Variants in SIPA1L3 observed in about 807,000 individuals in gnomAD.
The protein encoded by SIPA1L3 is signal induced proliferation associated 1 like 3, also known as signal-induced proliferation-associated 1-like protein 3.
In SIPA1L3, 59 loss-of-function variants were observed where a neutral mutation model predicts 150.1. That is an observed-to-expected ratio of 0.39 (90% CI 0.32 to 0.49). The LOEUF is 0.49. SIPA1L3 is among the 20% of genes least tolerant of loss of function. The pLI, the probability that SIPA1L3 is intolerant of heterozygous loss-of-function variation, is 0.86. For missense variants in SIPA1L3, 2,211 were observed against 2,489.5 expected (o/e 0.89, Z 2.38); for synonymous variants, 1,070 against 1,077.6 (o/e 0.99, Z 0.14).
intron 1 of SIPA1L3, among the ~76,000 whole-genome samples, chr19:37,985,213 T>G (rs1180145221): frequency 6.6e-6 from 1 of 151,248 alleles, no homozygotes; most frequent in African/African-American, 2.4e-5. Context: ...TTTTTTTTTT[T>G]GAGTGTGGGT....
intron 12 of SIPA1L3, among the ~76,000 whole-genome samples, chr19:38,147,236 T>C (rs1971720236): frequency 6.6e-6 from 1 of 151,960 alleles, no homozygotes; most frequent in Non-Finnish European, 1.5e-5. Flanking sequence ...AATTTTTGTA[T>C]TTTTAGTAGA....
chr19:37,952,178 T>C (rs752264916), intron 1 of SIPA1L3, among the ~76,000 whole-genome samples: 7 of 152,180 alleles, frequency 4.6e-5, no homozygotes, highest in African/African-American at 1.7e-4. Context: ...CCATCTTTGC[T>C]CAGAGGGTCG....
intron 2 of SIPA1L3, among the ~76,000 whole-genome samples, chr19:38,060,262 A>T (rs1379768543): frequency 6.6e-6 from 1 of 152,206 alleles, no homozygotes; most frequent in Non-Finnish European, 1.5e-5. Flanking sequence ...ACTTAGTATC[A>T]TGTCCGAGAG....
At chr19:38,019,693 A>G (rs1418307725) in intron 1 of SIPA1L3, among the ~76,000 whole-genome samples, 1 of 152,174 alleles carries the variant, frequency 6.6e-6, no homozygotes, top group Non-Finnish European at 1.5e-5. Flanking sequence ...GAATCAGAGC[A>G]CGGACTTTCT....
chr19:37,925,356 T>C (rs977413916), intron 1 of SIPA1L3, among the ~76,000 whole-genome samples: 1 of 151,916 alleles, frequency 6.6e-6, no homozygotes, highest in African/African-American at 2.4e-5. Context: ...ATGGCCTCCT[T>C]GGGAAAGTGG....
chr19:37,945,881 G>C (rs547772517), intron 1 of SIPA1L3, among the ~76,000 whole-genome samples: 1 of 152,114 alleles, frequency 6.6e-6, no homozygotes, highest in Non-Finnish European at 1.5e-5. Flanking sequence ...GTGGCTGGGC[G>C]TGGTGGCTCA....
intron 2 of SIPA1L3, among the ~76,000 whole-genome samples, chr19:38,064,544 A>G (rs980021557): frequency 9.9e-5 from 15 of 152,172 alleles, no homozygotes; most frequent in African/African-American, 3.6e-4. Context: ...TAAAAATACA[A>G]AAATTAGCCG....
intron 18 of SIPA1L3, among the ~76,000 whole-genome samples, chr19:38,198,057 C>A (rs1973003012): frequency 6.6e-6 from 1 of 152,216 alleles, no homozygotes; most frequent in South Asian, 2.1e-4. Context: ...GGGGCCGCCT[C>A]TGTGTTCCTT....
intron 8 of SIPA1L3, 59 bp from the exon 9 acceptor site, chr19:38,119,245 TTC>T: frequency 6.9e-7 from 1 of 1,441,234 alleles, no homozygotes; most frequent in Non-Finnish European, 9.5e-7. Context: ...ATCGAATATT[TTC>T]TCTCTGAAGT....
chr19:37,990,667 T>A (rs1967481541), intron 1 of SIPA1L3, among the ~76,000 whole-genome samples: 1 of 152,212 alleles, frequency 6.6e-6, no homozygotes, highest in South Asian at 2.1e-4. Context: ...GGTTCTTTGC[T>A]GGAGTCTGGT....
chr19:37,970,784 G>A (rs1029339492), intron 1 of SIPA1L3, among the ~76,000 whole-genome samples: 6 of 152,200 alleles, frequency 3.9e-5, no homozygotes, highest in African/African-American at 9.7e-5. Flanking sequence ...TAAAGATGTC[G>A]GGTATTAGTG....
chr19:37,924,375 G>A (rs1456451690), intron 1 of SIPA1L3, among the ~76,000 whole-genome samples: 3 of 149,968 alleles, frequency 2.0e-5, no homozygotes, highest in Admixed American at 2.0e-4. Flanking sequence ...CCTTCTTCTG[G>A]AATATCTCCT....
At chr19:38,063,166 T>A (rs1425181768) in intron 2 of SIPA1L3, among the ~76,000 whole-genome samples, 1 of 152,144 alleles carries the variant, frequency 6.6e-6, no homozygotes, top group African/African-American at 2.4e-5. Context: ...GTTAGGATGA[T>A]GGATGATTAC....
chr19:38,183,421 G>A (rs1301059083), intron 16 of SIPA1L3, among the ~76,000 whole-genome samples: 1 of 152,092 alleles, frequency 6.6e-6, no homozygotes, highest in East Asian at 1.9e-4. Flanking sequence ...GGAGCAGACC[G>A]GGCTTGCTGG....
intron 1 of SIPA1L3, among the ~76,000 whole-genome samples, chr19:37,930,934 C>G (rs2145499359): frequency 6.6e-6 from 1 of 150,744 alleles, no homozygotes; most frequent in African/African-American, 2.4e-5. Context: ...GGACTATAAG[C>G]TCCCTGTGGG....
chr19:38,146,200 G>C (rs1048296449), intron 12 of SIPA1L3, among the ~76,000 whole-genome samples: 5 of 152,118 alleles, frequency 3.3e-5, no homozygotes, highest in Non-Finnish European at 7.4e-5. Context: ...ATGAATGTTA[G>C]ATAAAAAGAA....
At chr19:38,080,025 G>A (rs903306001) in intron 2 of SIPA1L3, among the ~76,000 whole-genome samples, 5 of 152,186 alleles carry the variant, frequency 3.3e-5, no homozygotes, top group South Asian at 2.1e-4. Context: ...CAGATCCTGC[G>A]GGGCTTGTGG....
At chr19:37,988,309 A>G (rs1469228576) in intron 1 of SIPA1L3, among the ~76,000 whole-genome samples, 1 of 152,234 alleles carries the variant, frequency 6.6e-6, no homozygotes, top group East Asian at 1.9e-4. Context: ...GCTGGAACCC[A>G]GGAGTTCGAG....
At chr19:38,010,698 C>T (rs1161744217) in intron 1 of SIPA1L3, among the ~76,000 whole-genome samples, 3 of 152,070 alleles carry the variant, frequency 2.0e-5, no homozygotes, top group South Asian at 2.1e-4. Flanking sequence ...GCAACAAGAG[C>T]GAAACTCTGT....
Sources: gnomAD v4.1 joint callset for allele counts (sites outside exome capture counted in the v4.1 genomes callset) on GRCh38, gnomAD v4.1.1 for gene constraint, MANE v1.5 for transcripts, NCBI Gene and HGNC (gene_info 2026-07-23, HGNC 2026-07-21) for gene names.